Variants in ST3GAL3 observed in about 807,000 individuals in gnomAD.
ST3GAL3 encodes the protein ST3 beta-galactoside alpha-2,3-sialyltransferase 3.
ST3GAL3 carries 21 observed loss-of-function variants against 50.1 expected under a neutral mutation model. That is an observed-to-expected ratio of 0.42 (90% CI 0.30 to 0.60). The LOEUF is 0.60. Among genes scored for constraint, ST3GAL3 ranks in the 20% least tolerant of loss-of-function variants. The pLI is 0.19. For synonymous variants in ST3GAL3, 183 were observed against 190.0 expected, an observed-to-expected ratio of 0.96 and a Z score of 0.30; for missense variants, 353 against 489.4, an observed-to-expected ratio of 0.72 and a Z score of 2.63.
chr1:43,785,116 G>A (rs35025013), intron 2 of ST3GAL3, among the ~76,000 whole-genome samples: 1 of 152,044 alleles, frequency 6.6e-6, no homozygotes, highest in African/African-American at 2.4e-5. Context: ...ACTAAGACTG[G>A]GGGGGTTAGA....
intron 2 of ST3GAL3, among the ~76,000 whole-genome samples, chr1:43,775,480 G>A (rs1002101367): frequency 5.9e-5 from 9 of 152,110 alleles, no homozygotes; most frequent in African/African-American, 2.2e-4. Context: ...GTGAACACCT[G>A]CCTCAGCCTC....
rs572906157 is a variant in ST3GAL3, at chr1:43,862,015, C to T, written c.302+23704C>T. Among the ~76,000 whole-genome samples the T allele has an allele frequency of 2.9e-3, 421 of 143,714 alleles. 2 individuals carry two copies. Among genetic ancestry groups the T allele is most frequent in the African/African-American group, 0.011 (405 of 37,854 alleles). 94.3% of individuals were successfully genotyped at this position (143,714 alleles called of 152,430 possible). A position where few individuals can be genotyped will look rare whatever the true frequency, so the allele number is the denominator to read the frequency against. On this transcript the variant is annotated intron_variant, in intron 5 of 11. Transcript: ENST00000347631. ...TGTACTCCTGCCTGGGCAACAAGAG[C>T]GAAAATCTGTCTTAAAAAAAAAAAA...
intron 1 of ST3GAL3, among the ~76,000 whole-genome samples, chr1:43,715,809 G>T (rs999067924): frequency 6.6e-6 from 1 of 152,154 alleles, no homozygotes; most frequent in African/African-American, 2.4e-5. Flanking sequence ...TAACCCACAA[G>T]CATGCATACT....
At chr1:43,729,636 T>C (rs1175436775) in intron 1 of ST3GAL3, among the ~76,000 whole-genome samples, 2 of 152,164 alleles carry the variant, frequency 1.3e-5, no homozygotes, top group Non-Finnish European at 2.9e-5. Flanking sequence ...TAAAGCCTAC[T>C]GGTTTTTAGA....
At chr1:43,922,111 A>G (rs2083132287) in intron 11 of ST3GAL3, 1 of 171,450 alleles carries the variant, frequency 5.8e-6, no homozygotes, top group South Asian at 2.0e-4. Context: ...CATGCCTATA[A>G]TCCCAGCACT....
chr1:43,816,010 G>A (rs953751881), intron 4 of ST3GAL3, among the ~76,000 whole-genome samples: 2 of 152,084 alleles, frequency 1.3e-5, no homozygotes, highest in African/African-American at 4.8e-5. Flanking sequence ...GTGTGTTCAT[G>A]TCCCTGCAAG....
rs1675592363 is a variant in ST3GAL3, at chr1:43,731,171, A to G, written c.-30-5062A>G. On this transcript the variant is annotated intron_variant, in intron 1 of 11. Transcript: ENST00000347631. ...TAGCCTCCCAATTGGTTGGGGCTATACCACCAGTACAGGCACATACCACCA... is the reference window on the plus strand; with the variant it reads ...TAGCCTCCCAATTGGTTGGGGCTATGCCACCAGTACAGGCACATACCACCA... Among the ~76,000 whole-genome samples, 3 of 151,604 alleles carry G rather than the reference A, an allele frequency of 2.0e-5. No individual in the cohort carries two copies. The South Asian group carries it at 6.3e-4, about 32-fold the overall frequency.
intron 3 of ST3GAL3, among the ~76,000 whole-genome samples, chr1:43,793,190 C>T (rs2058293284): frequency 6.6e-6 from 1 of 152,156 alleles, no homozygotes; most frequent in Non-Finnish European, 1.5e-5. Context: ...ATACACCTCT[C>T]AGCTATCTCT....
chr1:43,728,712 C>T lies in ST3GAL3; in HGVS notation c.-30-7521C>T, dbSNP rs372786302. 1.2e-4 allele frequency among the ~76,000 whole-genome samples: 18 copies of T among 152,262 alleles called. No individual in the cohort carries two copies. The South Asian group carries it at 1.5e-3, about 12-fold the overall frequency. On this transcript the variant is annotated intron_variant, in intron 1 of 11. Transcript: ENST00000347631. ...GTTGCAGTGAGGTATGATCACGCCA[C>T]TGCACTCTGGTCTGAATGACAGAAA...
chr1:43,757,687 C>T (rs1688623624), intron 2 of ST3GAL3, among the ~76,000 whole-genome samples: 2 of 152,130 alleles, frequency 1.3e-5, no homozygotes, highest in South Asian at 4.2e-4. Flanking sequence ...GACTAAAAAA[C>T]GCATAGAACA....
chr1:43,825,219 CA>C (rs912769703), intron 4 of ST3GAL3, among the ~76,000 whole-genome samples: 2 of 152,194 alleles, frequency 1.3e-5, no homozygotes, highest in Non-Finnish European at 2.9e-5. Flanking sequence ...TGCAGAATAT[CA>C]TAACAATTAT....
At chr1:43,822,108 G>A (rs1021125493) in intron 4 of ST3GAL3, among the ~76,000 whole-genome samples, 4 of 152,154 alleles carry the variant, frequency 2.6e-5, no homozygotes, top group South Asian at 2.1e-4. Context: ...GACATTTGAG[G>A]AAAGAGTCAA....
At position 43,897,059 on chromosome 1, in the gene ST3GAL3, A is replaced by G. The variant is rs536667290; in HGVS notation, c.398-1176A>G. 5.1e-4 allele frequency among the ~76,000 whole-genome samples: 73 copies of G among 143,350 alleles called. No homozygotes were observed. In the East Asian group the frequency reaches 0.013, roughly 26 times the overall value. The allele number at this position is 143,350 out of a possible 152,430, so 94.0% of individuals were successfully genotyped here. On this transcript the variant is annotated intron_variant, in intron 6 of 11. Transcript: ENST00000347631. Reference sequence around the variant, plus strand: ...TTGATTTTTTTTTTTTAATGGCTGTATAGGATTTCATACACCACATTTAAT... The same window carrying G: ...TTGATTTTTTTTTTTTAATGGCTGTGTAGGATTTCATACACCACATTTAAT...
At chr1:43,862,420 T>G (rs1165993740) in intron 5 of ST3GAL3, among the ~76,000 whole-genome samples, 1 of 152,224 alleles carries the variant, frequency 6.6e-6, no homozygotes, top group East Asian at 1.9e-4. Context: ...GGTGACTGAC[T>G]AAACTGGGGA....
chr1:43,917,663 TATATATTA>T (rs1305354927), intron 9 of ST3GAL3, among the ~76,000 whole-genome samples: 22 of 49,080 alleles, frequency 4.5e-4, no homozygotes, highest in Non-Finnish European at 1.1e-3. Flanking sequence ...TAATATATAA[TATATATTA>T]TATATATATA....
chr1:43,718,150 G>A (rs1162247513), intron 1 of ST3GAL3, among the ~76,000 whole-genome samples: 1 of 151,214 alleles, frequency 6.6e-6, no homozygotes. Context: ...TGGGATTAGA[G>A]GCGTGAACCA....
chr1:43,803,201 G>C (rs1558366937), intron 3 of ST3GAL3, among the ~76,000 whole-genome samples: 1 of 152,134 alleles, frequency 6.6e-6, no homozygotes, highest in Non-Finnish European at 1.5e-5. Context: ...TGGAATTACA[G>C]GCATGAGCCA....
chr1:43,842,207 T>G (rs901257747), intron 5 of ST3GAL3: 1 of 152,224 alleles, frequency 6.6e-6, no homozygotes, highest in Non-Finnish European at 1.5e-5. Flanking sequence ...CCAAACTTGC[T>G]CTCATCTTCC....
intron 4 of ST3GAL3, among the ~76,000 whole-genome samples, chr1:43,836,940 T>G (rs144808597): frequency 1.3e-3 from 187 of 143,990 alleles, no homozygotes; most frequent in African/African-American, 4.8e-3. Context: ...ACAAGTCTTC[T>G]GAAAAATATG....
Sources: allele counts gnomAD v4.1 joint callset (sites outside exome capture counted in the v4.1 genomes callset), GRCh38; gene constraint gnomAD v4.1.1; transcripts MANE v1.5; gene names NCBI Gene and HGNC (gene_info 2026-07-23, HGNC 2026-07-21).